The following DPYD variants were observed in gnomAD, a reference collection of about 807,000 sequenced individuals.
DPYD encodes dihydropyrimidine dehydrogenase [NADP(+)].
A neutral mutation model predicts 116.2 loss-of-function variants in DPYD; 109 were observed. The ratio of observed to expected loss-of-function variants is 0.94; its 90% CI spans 0.80 to 1.10. The LOEUF is 1.10. Among genes scored for constraint, DPYD ranks in the 50% least tolerant of loss-of-function variants. The probability of loss-of-function intolerance (pLI) is 0.00; values close to 1 mark genes in which losing one functional copy is unlikely to be tolerated. For missense variants in DPYD, 1,302 were observed against 1,254.5 expected (o/e 1.04, Z -0.57); for synonymous variants, 440 against 432.0 (o/e 1.02, Z -0.23).
intron 8 of DPYD, among the ~76,000 whole-genome samples, chr1:97,604,864 T>C (rs1655485162): frequency 6.6e-6 from 1 of 152,082 alleles, no homozygotes; most frequent in African/African-American, 2.4e-5. Flanking sequence ...TTCTGGGCCT[T>C]GTCTGTGTTT....
chr1:97,864,933 G>A (rs1207783141), intron 2 of DPYD, among the ~76,000 whole-genome samples: 1 of 151,830 alleles, frequency 6.6e-6, no homozygotes, highest in Non-Finnish European at 1.5e-5. Flanking sequence ...GAGGGCAAGA[G>A]ATTTATTTAG....
chr1:97,439,671 C>T (rs1051332454), intron 14 of DPYD, among the ~76,000 whole-genome samples: 1 of 151,978 alleles, frequency 6.6e-6, no homozygotes, highest in Non-Finnish European at 1.5e-5. Flanking sequence ...CCAGCTTTAC[C>T]TTCATTGATG....
chr1:97,211,238 C>T (rs1023562010), intron 19 of DPYD, among the ~76,000 whole-genome samples: 1 of 152,142 alleles, frequency 6.6e-6, no homozygotes, highest in Non-Finnish European at 1.5e-5. Context: ...CAATGCCTTT[C>T]TCCATACTTT....
chr1:97,477,490 C>T (rs1341686696), intron 13 of DPYD, among the ~76,000 whole-genome samples: 1 of 151,976 alleles, frequency 6.6e-6, no homozygotes, highest in African/African-American at 2.4e-5. Context: ...TACTTAGAGG[C>T]TACTGTAGGG....
rs370329631 is a variant in DPYD, at chr1:97,581,148, G to GCAA, written c.1129-7181_1129-7179dup. On this transcript the variant is annotated intron_variant, in intron 10 of 22. Coordinates refer to ENST00000370192, the MANE Select transcript of DPYD (RefSeq NM_000110.4). The stretch of plus-strand genomic sequence containing the variant: ...GTGAAACCCTGTCTCTATTAAAAAT[G>GCAA]CAACAACAACAACAACAACAACAAC... Among the ~76,000 whole-genome samples the GCAA allele has an allele frequency of 1.7e-3, 257 of 149,938 alleles. No individual in the cohort carries two copies. In the Middle Eastern group the frequency reaches 0.031, roughly 18 times the overall value.
intron 10 of DPYD, among the ~76,000 whole-genome samples, chr1:97,584,636 C>T (rs1653951884): frequency 1.3e-5 from 2 of 151,732 alleles, no homozygotes; most frequent in African/African-American, 4.8e-5. Flanking sequence ...ATGATGAGTT[C>T]ATGTCCTTTG....
chr1:97,611,550 GA>G (rs1227508383), intron 8 of DPYD, among the ~76,000 whole-genome samples: 1 of 152,054 alleles, frequency 6.6e-6, no homozygotes, highest in East Asian at 1.9e-4. Flanking sequence ...ACTGCAATTT[GA>G]AAATTCTATA....
At chr1:97,258,987 G>A (rs985050551) in intron 18 of DPYD, among the ~76,000 whole-genome samples, 3 of 152,130 alleles carry the variant, frequency 2.0e-5, no homozygotes, top group Non-Finnish European at 4.4e-5. Flanking sequence ...AGGGTCAACA[G>A]TGTCAAGAGG....
intron 3 of DPYD, among the ~76,000 whole-genome samples, chr1:97,820,783 TA>T (rs1302110582): frequency 6.6e-6 from 1 of 152,204 alleles, no homozygotes; most frequent in East Asian, 1.9e-4. Flanking sequence ...GCTCTGCAAA[TA>T]AAACAATGCC....
chr1:97,802,226 A>G (rs1667880221), intron 3 of DPYD, among the ~76,000 whole-genome samples: 1 of 151,940 alleles, frequency 6.6e-6, no homozygotes, highest in Non-Finnish European at 1.5e-5. Flanking sequence ...AGTTGGCTCT[A>G]GCAAATTCTT....
In DPYD at chr1:97,602,759, C is replaced by G. The variant is rs563287933; in HGVS notation, c.851-7593G>C. Among the ~76,000 whole-genome samples the G allele has an allele frequency of 5.3e-5, 8 of 151,872 alleles. No individual in the cohort carries two copies. The East Asian group carries it at 1.5e-3, about 29-fold the overall frequency. On this transcript the variant is annotated intron_variant, in intron 8 of 22. Transcript: ENST00000370192. ...TTCTTCTATCTATAGGACATTATGA[C>G]ACAATGAGAACAACAAACCCTTTGG...
At chr1:97,155,951 T>G (rs918849242) in intron 20 of DPYD, among the ~76,000 whole-genome samples, 1 of 152,172 alleles carries the variant, frequency 6.6e-6, no homozygotes, top group Non-Finnish European at 1.5e-5. Context: ...CAGATTGTGA[T>G]TCCATAGCTG....
chr1:97,333,820 G>A (rs1016081581), intron 16 of DPYD, among the ~76,000 whole-genome samples: 2 of 152,068 alleles, frequency 1.3e-5, no homozygotes, highest in African/African-American at 4.8e-5. Context: ...GCACCCAGCT[G>A]AATTTTTAAG....
chr1:97,137,966 C>T (rs887459212), intron 20 of DPYD, among the ~76,000 whole-genome samples: 3 of 152,056 alleles, frequency 2.0e-5, no homozygotes, highest in Non-Finnish European at 2.9e-5. Context: ...TTTGTCACAC[C>T]GAGGCTGATA....
chr1:97,722,797 T>C (rs1445954795), intron 4 of DPYD, among the ~76,000 whole-genome samples: 1 of 151,508 alleles, frequency 6.6e-6, no homozygotes, highest in African/African-American at 2.4e-5. Flanking sequence ...TTAAAAGACT[T>C]TTATTTACTC....
At chr1:97,478,955 C>T (rs1678148619) in intron 13 of DPYD, among the ~76,000 whole-genome samples, 1 of 152,196 alleles carries the variant, frequency 6.6e-6, no homozygotes, top group African/African-American at 2.4e-5. Flanking sequence ...TCAAACTTCT[C>T]TTCTGCAGCT....
rs1654791702 is a variant in DPYD, at chr1:97,595,156, T to C, written c.861A>G (p.Glu287=). ...KAAFIGIGLP[E]PNKDAIFQGL... is the part of the protein sequence containing the mutation. ...CTTGGAAGATGGCATCTTTATTGGG[T>C]TCTGGCAAACCTAAGTAATCAAATT... Residue 287 remains glutamate, a synonymous_variant, in exon 9 of 23, where the codon GAA becomes GAG. Coordinates refer to ENST00000370192, the MANE Select transcript of DPYD (RefSeq NM_000110.4). The C allele has an allele frequency of 1.2e-6, 2 of 1,613,358 alleles. No homozygotes were observed. Among genetic ancestry groups the C allele is most frequent in the African/African-American group, 1.3e-5 (1 of 74,880 alleles).
chr1:97,136,473 T>C (rs1411282160), intron 20 of DPYD, among the ~76,000 whole-genome samples: 1 of 152,212 alleles, frequency 6.6e-6, no homozygotes, highest in Non-Finnish European at 1.5e-5. Context: ...CAGTCATGTA[T>C]ACACATGTGT....
chr1:97,873,225 T>C (rs1671745469), intron 2 of DPYD, among the ~76,000 whole-genome samples: 1 of 151,996 alleles, frequency 6.6e-6, no homozygotes, highest in South Asian at 2.1e-4. Context: ...CATTAATATT[T>C]AGTAATTAAT....
Sources: gnomAD v4.1 joint callset for allele counts (sites outside exome capture counted in the v4.1 genomes callset) on GRCh38, gnomAD v4.1.1 for gene constraint, MANE v1.5 for transcripts, NCBI Gene and HGNC (gene_info 2026-07-23, HGNC 2026-07-21) for gene names.